SGPP1: variants seen among roughly 807,000 people sequenced by gnomAD.
The protein encoded by SGPP1 is sphingosine-1-phosphate phosphatase 1, also known as hSPP1.
Under a neutral mutation model 33.0 loss-of-function variants are expected in SGPP1, and 21 were observed. That is an observed-to-expected ratio of 0.64 (90% CI 0.45 to 0.92). SGPP1 has a LOEUF of 0.92. Among genes scored for constraint, SGPP1 ranks in the 40% least tolerant of loss-of-function variants. SGPP1 has a pLI of 0.00. For synonymous variants in SGPP1, 239 were observed against 241.2 expected (o/e 0.99, Z 0.08); for missense variants, 543 against 589.4 (o/e 0.92, Z 0.81).
intron 1 of SGPP1, among the ~76,000 whole-genome samples, chr14:63,712,038 A>T (rs1010740196): frequency 6.6e-6 from 1 of 151,972 alleles, no homozygotes; most frequent in Non-Finnish European, 1.5e-5. Context: ...TCAAAAAAAA[A>T]AAAAAAAAAT....
chr14:63,693,481 C>T (rs1420352576), intron 2 of SGPP1, among the ~76,000 whole-genome samples: 1 of 152,186 alleles, frequency 6.6e-6, no homozygotes, highest in African/African-American at 2.4e-5. Context: ...GTACTTTTCA[C>T]ATAGAATTTA....
rs1225689327 is a variant in SGPP1 at position 63,727,382 on chromosome 14, G to C, written c.563C>G (p.Ser188Trp). ...GACCTCCAACTTGACCACGGGCGGCGAGGCGGGCCTCGGCCAGCGGATGAT... is the reference window on the plus strand; with the variant it reads ...GACCTCCAACTTGACCACGGGCGGCCAGGCGGGCCTCGGCCAGCGGATGAT... ...KDIIRWPRPA[S>W]PPVVKLEVFY... The change falls in exon 1 of 3, where the codon TCG becomes TGG. Residue 188 changes from serine to tryptophan, a missense_variant. Physicochemically the swap from Ser to Trp is radical, Grantham distance 177. Coordinates refer to ENST00000247225, the MANE Select transcript of SGPP1 (RefSeq NM_030791.4). 6.2e-7 allele frequency: 1 copy of C among 1,614,146 alleles called. No individual in the cohort carries two copies. Among genetic ancestry groups the C allele is most frequent in the Non-Finnish European group, 8.5e-7 (1 of 1,180,032 alleles).
At chr14:63,715,123 T>A (rs1251952136) in intron 1 of SGPP1, among the ~76,000 whole-genome samples, 1 of 151,122 alleles carries the variant, frequency 6.6e-6, no homozygotes, top group Non-Finnish European at 1.5e-5. Flanking sequence ...CAAGTGATTC[T>A]CCGCCTCAGC....
intron 1 of SGPP1, among the ~76,000 whole-genome samples, chr14:63,724,316 G>A (rs1485702686): frequency 6.6e-6 from 1 of 152,102 alleles, no homozygotes; most frequent in Non-Finnish European, 1.5e-5. Flanking sequence ...AAGTAGTAAA[G>A]CCAAGACAAA....
intron 2 of SGPP1, among the ~76,000 whole-genome samples, chr14:63,688,714 CT>C (rs776698745): frequency 6.4e-5 from 9 of 140,906 alleles, no homozygotes; most frequent in East Asian, 4.1e-4. Context: ...ACCGTCATTT[CT>C]TTTTTTTTTC....
intron 1 of SGPP1, among the ~76,000 whole-genome samples, chr14:63,703,275 A>G (rs73265719): frequency 0.047 from 7,122 of 152,230 alleles, 278 homozygotes; most frequent in African/African-American, 0.1. Context: ...CTAAAGAATA[A>G]AATACCCATA....
rs771821081 is a variant in SGPP1 at position 63,727,407 on chromosome 14, T to C, written c.538A>G (p.Ile180Val). The change falls in exon 1 of 3, where the codon ATC becomes GTC. Residue 180 changes from isoleucine (I) to valine (V), a missense_variant. Ile to Val is a conservative substitution (Grantham distance 29, BLOSUM62 3). Coordinates refer to ENST00000247225, the MANE Select transcript of SGPP1 (RefSeq NM_030791.4). ...GAGGCGGGCCTCGGCCAGCGGATGA[T>C]GTCCTTGGTGCACTGGCCCAGGTAC... is the stretch of plus-strand genomic sequence containing the variant. ...VMYLGQCTKDIIRWPRPASPP... is the reference protein window; with the variant it reads ...VMYLGQCTKDVIRWPRPASPP... The C allele has an allele frequency of 6.2e-7, 1 of 1,613,860 alleles. No homozygotes were observed. Among genetic ancestry groups the C allele is most frequent in the Admixed American group, 1.7e-5 (1 of 60,002 alleles).
chr14:63,700,789 G>A (rs1885281379), intron 1 of SGPP1, among the ~76,000 whole-genome samples: 1 of 152,028 alleles, frequency 6.6e-6, no homozygotes, highest in Non-Finnish European at 1.5e-5. Context: ...AACTAATTTT[G>A]GCCAGTGAGC....
intron 1 of SGPP1, among the ~76,000 whole-genome samples, chr14:63,706,484 T>C (rs974554335): frequency 6.6e-6 from 1 of 152,196 alleles, no homozygotes; most frequent in African/African-American, 2.4e-5. Context: ...ATGTGACCAC[T>C]TCTACCTCTA....
chr14:63,689,235 A>G lies in SGPP1; in HGVS notation c.775-2579T>C, dbSNP rs138234086. ...AAATCTACTGTTGTGCTGTTTCTCA[A>G]CCTATCACTCTGCATTCCTCCCTGG... On this transcript the variant is annotated intron_variant, in intron 2 of 2. Transcript: ENST00000247225. Among the ~76,000 whole-genome samples, 1,165 of 152,194 alleles carry G rather than the reference A, an allele frequency of 7.7e-3. 16 individuals are homozygous for G. Among genetic ancestry groups the G allele is most frequent in the African/African-American group, 0.026 (1,098 of 41,526 alleles).
chr14:63,699,529 T>C (rs1885253053), intron 1 of SGPP1, among the ~76,000 whole-genome samples: 1 of 152,072 alleles, frequency 6.6e-6, no homozygotes, highest in South Asian at 2.1e-4. Context: ...GAGTAGAAAA[T>C]ATTTAGTACG....
intron 1 of SGPP1, among the ~76,000 whole-genome samples, chr14:63,718,033 G>T (rs1885670776): frequency 6.6e-6 from 1 of 152,044 alleles, no homozygotes; most frequent in African/African-American, 2.4e-5. Flanking sequence ...ATTACTTGAG[G>T]TTAGGAGTTT....
intron 1 of SGPP1, among the ~76,000 whole-genome samples, chr14:63,701,529 T>C (rs761551852): frequency 1.3e-5 from 2 of 152,082 alleles, no homozygotes; most frequent in Non-Finnish European, 2.9e-5. Context: ...TCTGTGGGAA[T>C]AGCATATACT....
intron 1 of SGPP1, among the ~76,000 whole-genome samples, chr14:63,704,272 A>T (rs888095456): frequency 6.6e-5 from 10 of 152,234 alleles, no homozygotes; most frequent in Non-Finnish European, 1.0e-4. Context: ...CAATTTCAAA[A>T]TTTACTACAG....
rs997270395 is a variant in SGPP1 at position 63,685,302 on chromosome 14, T to C, written c.*803A>G. On this transcript the variant is annotated 3_prime_UTR_variant, in exon 3 of 3. Coordinates refer to ENST00000247225, the MANE Select transcript of SGPP1 (RefSeq NM_030791.4). ...TATATGTAACTTAAGATAAAGTTAA[T>C]GTCTTATTTTTACATCACAGTACAC... 8 of 152,534 alleles carry C rather than the reference T, an allele frequency of 5.2e-5. No individual in the cohort carries two copies. Among genetic ancestry groups the C allele is most frequent in the African/African-American group, 1.9e-4 (8 of 41,452 alleles). The allele number at this position is 152,534 out of a possible 1,614,324, so 9.4% of individuals were successfully genotyped here.
At chr14:63,715,460 T>C (rs1269701763) in intron 1 of SGPP1, among the ~76,000 whole-genome samples, 1 of 152,222 alleles carries the variant, frequency 6.6e-6, no homozygotes, top group Non-Finnish European at 1.5e-5. Context: ...TTCTGTTGTG[T>C]GTTTGTATGT....
rs746374368 is a variant in SGPP1 at position 63,684,610 on chromosome 14, C to T, written c.*1495G>A. 2 of 152,406 alleles carry T rather than the reference C, an allele frequency of 1.3e-5. No homozygotes were observed. Among genetic ancestry groups the T allele is most frequent in the Non-Finnish European group, 2.9e-5 (2 of 67,894 alleles). The allele number at this position is 152,406 out of a possible 1,614,324, so 9.4% of individuals were successfully genotyped here. A position where few individuals can be genotyped will look rare whatever the true frequency, so the allele number is the denominator to read the frequency against. On this transcript the variant is annotated 3_prime_UTR_variant, in exon 3 of 3. Coordinates refer to ENST00000247225, the MANE Select transcript of SGPP1 (RefSeq NM_030791.4). ...ATAGTTATGGTGCCCAAAATAGAAACATCTGAAGTGATAGTTCTGGATAAT... is the reference window on the plus strand; with the variant it reads ...ATAGTTATGGTGCCCAAAATAGAAATATCTGAAGTGATAGTTCTGGATAAT...
chr14:63,721,585 T>C (rs924032612), intron 1 of SGPP1, among the ~76,000 whole-genome samples: 4 of 152,208 alleles, frequency 2.6e-5, no homozygotes, highest in East Asian at 1.9e-4. Flanking sequence ...AGAATTACCA[T>C]AGTGATCAAT....
At chr14:63,720,317 A>G (rs1289994564) in intron 1 of SGPP1, among the ~76,000 whole-genome samples, 1 of 151,830 alleles carries the variant, frequency 6.6e-6, no homozygotes, top group African/African-American at 2.4e-5. Context: ...GAAGGATGGG[A>G]AGGAAAGAGA....
Sources: gnomAD v4.1 joint callset for allele counts (sites outside exome capture counted in the v4.1 genomes callset) on GRCh38, gnomAD v4.1.1 for gene constraint, MANE v1.5 for transcripts, NCBI Gene and HGNC (gene_info 2026-07-23, HGNC 2026-07-21) for gene names.